The following IPO11 variants were observed in gnomAD, a reference collection of about 807,000 sequenced individuals.
The protein encoded by IPO11 is importin 11, also known as importin-11.
A neutral mutation model predicts 143.2 loss-of-function variants in IPO11; 66 were observed. That is an observed-to-expected ratio of 0.46 (90% CI 0.38 to 0.57). The LOEUF is 0.57. IPO11 is among the 20% of genes least tolerant of loss of function. The probability of loss-of-function intolerance (pLI) is 0.00; values close to 1 mark genes in which losing one functional copy is unlikely to be tolerated. For synonymous variants in IPO11, 385 were observed against 377.8 expected (o/e 1.02, Z -0.22); for missense variants, 1,026 against 1,141.0 (o/e 0.90, Z 1.45).
rs376956219 is a variant in IPO11, at chr5:62,433,127, C to G, written c.-6-4147C>G. Among the ~76,000 whole-genome samples the G allele has an allele frequency of 4.8e-5, 7 of 147,310 alleles. No homozygotes were observed. In the East Asian group the frequency reaches 7.9e-4, roughly 17 times the overall value. On this transcript the variant is annotated intron_variant, in intron 1 of 29. Coordinates refer to ENST00000325324, the MANE Select transcript of IPO11 (RefSeq NM_016338.5). The stretch of plus-strand genomic sequence containing the variant: ...GGAACACTCTTCTTCGGTTTTTACT[C>G]TAATTTTGGCACCTTTTTGTTTTTT...
intron 18 of IPO11, 77 bp downstream of exon 18, chr5:62,504,975 A>G (rs1299827043): frequency 2.6e-6 from 2 of 777,330 alleles, no homozygotes; most frequent in East Asian, 5.5e-5. Flanking sequence ...TTTATACATG[A>G]AATTATCTAT....
chr5:62,562,999 A>T (rs745463141), intron 27 of IPO11, among the ~76,000 whole-genome samples: 2 of 152,206 alleles, frequency 1.3e-5, no homozygotes, highest in Admixed American at 1.3e-4. Context: ...AGCATTTGAC[A>T]TGGCATAAGC....
chr5:62,563,501 C>G (rs962344795), intron 27 of IPO11, among the ~76,000 whole-genome samples: 3 of 152,108 alleles, frequency 2.0e-5, no homozygotes, highest in Non-Finnish European at 2.9e-5. Flanking sequence ...TTGTTCAAAA[C>G]TATTTTTGAC....
At chr5:62,507,288 T>C (rs1741586857) in intron 19 of IPO11, among the ~76,000 whole-genome samples, 1 of 152,200 alleles carries the variant, frequency 6.6e-6, no homozygotes, top group African/African-American at 2.4e-5. Context: ...TCACTGTTAA[T>C]CATTTGAAAC....
intron 29 of IPO11, among the ~76,000 whole-genome samples, chr5:62,621,474 C>G (rs574609622): frequency 6.6e-6 from 1 of 152,268 alleles, no homozygotes; most frequent in East Asian, 1.9e-4. Context: ...TCCCAAGGCT[C>G]CACCCTGTCC....
intron 20 of IPO11, among the ~76,000 whole-genome samples, chr5:62,522,220 G>A (rs1010602956): frequency 1.3e-5 from 2 of 151,712 alleles, no homozygotes; most frequent in African/African-American, 2.4e-5. Context: ...ATTTAGGAGC[G>A]GACACTAAAA....
intron 1 of IPO11, among the ~76,000 whole-genome samples, chr5:62,426,700 C>G (rs1299966492): frequency 6.6e-6 from 1 of 151,560 alleles, no homozygotes; most frequent in African/African-American, 2.4e-5. Context: ...ATGATAACCC[C>G]TGGAGCTTTC....
In IPO11 at chr5:62,515,424, C is replaced by T; in HGVS notation, c.1819C>T (p.Pro607Ser). 6.2e-7 allele frequency: 1 copy of T among 1,610,484 alleles called. No homozygotes were observed. The highest frequency in any genetic ancestry group is 8.5e-7 in the Non-Finnish European group (1 of 1,178,734). Residue 607 changes from proline (P) to serine (S), a missense_variant, in exon 20 of 30, where the codon CCC becomes TCC. By Grantham distance (74) the Pro-to-Ser change is moderately conservative (BLOSUM62 -1). Around this residue, in one of 5 missense-constraint regions of IPO11, gnomAD observed 237 missense variants for 288.0 expected, o/e 0.82. Transcript: ENST00000325324. ...PYVGCLVQYL[P>S]LLWKQSEEHN... ...TGTGGGATGTTTGGTACAATATTTGCCCCTCCTTTGGAAGCAGAGTGAAGA... is the reference window on the plus strand; with the variant it reads ...TGTGGGATGTTTGGTACAATATTTGTCCCTCCTTTGGAAGCAGAGTGAAGA...
At chr5:62,590,375 AG>A (rs1465704323) in intron 27 of IPO11, among the ~76,000 whole-genome samples, 1 of 152,214 alleles carries the variant, frequency 6.6e-6, no homozygotes, top group Admixed American at 6.5e-5. Context: ...AATACAGTTA[AG>A]GGAATATTTT....
intron 20 of IPO11, among the ~76,000 whole-genome samples, chr5:62,516,443 G>A (rs1046666754): frequency 3.3e-5 from 5 of 152,022 alleles, no homozygotes; most frequent in African/African-American, 7.2e-5. Flanking sequence ...ACAGGCACAC[G>A]CCACTGTGCC....
intron 27 of IPO11, chr5:62,579,901 C>T (rs544594047): frequency 1.3e-6 from 2 of 1,550,952 alleles, no homozygotes; most frequent in Admixed American, 2.0e-5. Flanking sequence ...ATTTAATGAT[C>T]TAGTTTCAGT....
At chr5:62,598,435 TCTCTCTCTCTCTCTCTCTC>T in intron 28 of IPO11, among the ~76,000 whole-genome samples, 12 of 3,026 alleles carry the variant, frequency 4.0e-3, no homozygotes, top group Admixed American at 0.01. Flanking sequence ...TTTCTTTCTC[TCTCTCTCTCTCTCTCTCTC>T]TCTCTCTCTC....
chr5:62,451,950 A>G lies in IPO11; in HGVS notation c.516+17A>G. ...TTTTATGATGTAAGTGATTTCACATAGTTAAATTTGATTATGAAAATTGTG... is the reference window on the plus strand; with the variant it reads ...TTTTATGATGTAAGTGATTTCACATGGTTAAATTTGATTATGAAAATTGTG... On this transcript the variant is annotated intron_variant, in intron 5 of 29. Transcript: ENST00000325324. 1.9e-6 allele frequency: 3 copies of G among 1,595,428 alleles called. No individual in the cohort carries two copies. The highest frequency in any genetic ancestry group is 2.6e-6 in the Non-Finnish European group (3 of 1,162,948).
intron 27 of IPO11, among the ~76,000 whole-genome samples, chr5:62,589,090 T>C (rs1744918139): frequency 6.6e-6 from 1 of 152,154 alleles, no homozygotes; most frequent in South Asian, 2.1e-4. Context: ...TCTGTTATGA[T>C]CCCACTTCAT....
chr5:62,510,211 C>T (rs1741697139), intron 19 of IPO11, among the ~76,000 whole-genome samples: 2 of 152,136 alleles, frequency 1.3e-5, no homozygotes, highest in African/African-American at 4.8e-5. Context: ...TTGAAATTGT[C>T]CTTCCCTTAA....
chr5:62,509,387 T>A (rs1741670869), intron 19 of IPO11, among the ~76,000 whole-genome samples: 2 of 152,212 alleles, frequency 1.3e-5, no homozygotes, highest in African/African-American at 4.8e-5. Flanking sequence ...TGTCACCTAT[T>A]TGATTTTCAT....
chr5:62,601,503 G>A (rs1210601681), intron 28 of IPO11, among the ~76,000 whole-genome samples: 1 of 152,152 alleles, frequency 6.6e-6, no homozygotes, highest in Non-Finnish European at 1.5e-5. Flanking sequence ...TGTTTCAGAA[G>A]TGGCGTATAA....
intron 16 of IPO11, among the ~76,000 whole-genome samples, chr5:62,503,698 GA>G (rs1305445460): frequency 6.6e-6 from 1 of 152,058 alleles, no homozygotes; most frequent in Non-Finnish European, 1.5e-5. Flanking sequence ...TGAATAAAAG[GA>G]AAAAGCAGGT....
At chr5:62,450,027 CT>C (rs1744855560) in intron 4 of IPO11, 28 bp downstream of exon 4, 6 of 1,490,636 alleles carry the variant, frequency 4.0e-6, no homozygotes, top group Non-Finnish European at 5.5e-6. Context: ...GCTAATTTTT[CT>C]TTTTATTTGT....
Sources: allele counts gnomAD v4.1 joint callset (sites outside exome capture counted in the v4.1 genomes callset), GRCh38; gene constraint gnomAD v4.1.1; regional missense constraint gnomAD v4.1.1; transcripts MANE v1.5; gene names NCBI Gene and HGNC (gene_info 2026-07-23, HGNC 2026-07-21).